ZFHX3: variants seen among roughly 807,000 people sequenced by gnomAD.
The protein encoded by ZFHX3 is zinc finger homeobox protein 3.
In ZFHX3, 42 loss-of-function variants were observed where a neutral mutation model predicts 279.1. The observed-to-expected ratio is 0.15, with a 90% CI of 0.12 to 0.19. The LOEUF (loss-of-function observed/expected upper bound fraction) is 0.19, where lower values mean the gene tolerates loss of function less well. Ranked by LOEUF, ZFHX3 falls within the 10% of genes least tolerant of loss-of-function variation. ZFHX3 has a pLI of 1.00. For missense variants in ZFHX3, 4,981 were observed against 4,754.0 expected, an observed-to-expected ratio of 1.05 and a Z score of -1.40; for synonymous variants, 2,293 against 1,957.8, an observed-to-expected ratio of 1.17 and a Z score of -4.52.
intron 1 of ZFHX3, among the ~76,000 whole-genome samples, chr16:73,760,467 C>T (rs1333256442): frequency 6.7e-6 from 1 of 148,288 alleles, no homozygotes; most frequent in Admixed American, 6.7e-5. Flanking sequence ...ATACCAAAAG[C>T]TGGCAGCATC....
chr16:72,845,547 G>C (rs574283743), intron 4 of ZFHX3, among the ~76,000 whole-genome samples: 1 of 152,090 alleles, frequency 6.6e-6, no homozygotes, highest in African/African-American at 2.4e-5. Context: ...CCCACGCCAC[G>C]TGCTCCCACG....
intron 3 of ZFHX3, among the ~76,000 whole-genome samples, chr16:73,329,793 A>G (rs1235505276): frequency 6.6e-6 from 1 of 152,248 alleles, no homozygotes; most frequent in African/African-American, 2.4e-5. Flanking sequence ...CCTTGTTTAC[A>G]TATCGAACAA....
At chr16:73,306,191 G>T (rs2015176437) in intron 4 of ZFHX3, among the ~76,000 whole-genome samples, 1 of 152,166 alleles carries the variant, frequency 6.6e-6, no homozygotes, top group Non-Finnish European at 1.5e-5. Context: ...AAACCCAAGA[G>T]AACCCAGTCT....
upstream of ZFHX3, among the ~76,000 whole-genome samples, chr16:73,052,828 T>G (rs907557103): frequency 6.6e-6 from 1 of 152,228 alleles, no homozygotes; most frequent in Non-Finnish European, 1.5e-5. Context: ...GAAGGCCATC[T>G]AAAGGCGATG....
At chr16:72,833,847 G>T (rs2037122452) in intron 4 of ZFHX3, among the ~76,000 whole-genome samples, 1 of 152,158 alleles carries the variant, frequency 6.6e-6, no homozygotes, top group Non-Finnish European at 1.5e-5. Context: ...GTGTTTTCAT[G>T]TTAAAGAGTT....
At chr16:73,436,235 C>T (rs1295966021) in intron 3 of ZFHX3, among the ~76,000 whole-genome samples, 1 of 152,114 alleles carries the variant, frequency 6.6e-6, no homozygotes, top group Admixed American at 6.6e-5. Context: ...GCAGGAGAAT[C>T]GCTTGAGCCT....
At chr16:73,687,586 G>A (rs74698152) in intron 1 of ZFHX3, among the ~76,000 whole-genome samples, 1 of 152,062 alleles carries the variant, frequency 6.6e-6, no homozygotes, top group African/African-American at 2.4e-5. Context: ...GCTCACATCT[G>A]TAATCCCAGC....
At chr16:73,419,803 G>A (rs1182918689) in intron 3 of ZFHX3, among the ~76,000 whole-genome samples, 1 of 152,010 alleles carries the variant, frequency 6.6e-6, no homozygotes. Context: ...GTCCATAAGG[G>A]TGTTGATACT....
intron 3 of ZFHX3, among the ~76,000 whole-genome samples, chr16:73,338,665 A>G (rs1178048310): frequency 2.0e-5 from 3 of 152,030 alleles, no homozygotes; most frequent in Non-Finnish European, 2.9e-5. Context: ...CCCTGCCAAT[A>G]TATGTTTCTG....
At chr16:73,649,337 T>C (rs886674254) in intron 2 of ZFHX3, among the ~76,000 whole-genome samples, 8 of 152,210 alleles carry the variant, frequency 5.3e-5, no homozygotes, top group African/African-American at 1.9e-4. Context: ...TCTATTGTTC[T>C]CTACTCAACA....
chr16:73,610,600 C>A (rs986909818), intron 2 of ZFHX3, among the ~76,000 whole-genome samples: 1 of 152,158 alleles, frequency 6.6e-6, no homozygotes, highest in Non-Finnish European at 1.5e-5. Context: ...CTTCTTAGCA[C>A]TGAATTTACA....
chr16:73,215,815 G>T (rs2012184646), intron 5 of ZFHX3, among the ~76,000 whole-genome samples: 1 of 152,188 alleles, frequency 6.6e-6, no homozygotes, highest in Non-Finnish European at 1.5e-5. Flanking sequence ...GTGTTGGTCT[G>T]TTGCTCAATC....
intron 5 of ZFHX3, among the ~76,000 whole-genome samples, chr16:73,220,597 C>T (rs968349613): frequency 2.6e-5 from 4 of 151,980 alleles, no homozygotes; most frequent in Admixed American, 6.6e-5. Flanking sequence ...ATTCTTTGAC[C>T]GTAGAATCCC....
intron 3 of ZFHX3, chr16:73,401,718 T>C (rs899939739): frequency 6.6e-6 from 1 of 152,182 alleles, no homozygotes; most frequent in Admixed American, 6.6e-5. Context: ...AATTCAAAGT[T>C]ATTATTATTT....
rs576883246 is a variant in ZFHX3 at position 73,119,923 on chromosome 16, C to T, written c.-897+11045G>A. 4.3e-4 allele frequency among the ~76,000 whole-genome samples: 65 copies of T among 152,182 alleles called. No homozygotes were observed. The South Asian group carries it at 0.013, about 31-fold the overall frequency. The stretch of plus-strand genomic sequence containing the variant: ...GGATATTTACAACAAACAAAAAAAC[C>T]TTTGTTTTGCTTGAGGCTGAGCTTT... On this transcript the variant is annotated intron_variant, in intron 7 of 17. Coordinates refer to the ZFHX3 transcript ENST00000641206.
rs1314872714 is a variant in ZFHX3 at position 73,308,240 on chromosome 16, TA to T, written c.-1194+9999del. Among the ~76,000 whole-genome samples, 16 of 12,456 alleles carry T rather than the reference TA, an allele frequency of 1.3e-3. 1 individual carries two copies. The highest frequency in any genetic ancestry group is 3.0e-3 in the African/African-American group (13 of 4,400). 8.2% of individuals were successfully genotyped at this position (12,456 alleles called of 152,430 possible). ...ATATGCATGCATATATATATATATA[TA>T]TATATATATATATATATATATATAT... is the stretch of plus-strand genomic sequence containing the variant. On this transcript the variant is annotated intron_variant, in intron 4 of 17. Coordinates refer to the ZFHX3 transcript ENST00000641206.
intron 3 of ZFHX3, among the ~76,000 whole-genome samples, chr16:73,329,818 G>A (rs1044041776): frequency 1.3e-5 from 2 of 152,186 alleles, no homozygotes; most frequent in African/African-American, 4.8e-5. Flanking sequence ...AAACACAAGT[G>A]ACAAGTTATG....
intron 1 of ZFHX3, among the ~76,000 whole-genome samples, chr16:73,800,873 G>A (rs1960126846): frequency 6.6e-6 from 1 of 152,170 alleles, no homozygotes; most frequent in Admixed American, 6.5e-5. Flanking sequence ...GGGACACTCT[G>A]CTTTTTGATG....
intron 1 of ZFHX3, among the ~76,000 whole-genome samples, chr16:73,827,771 G>A (rs1218417840): frequency 8.2e-6 from 1 of 121,814 alleles, no homozygotes; most frequent in Non-Finnish European, 1.7e-5. Flanking sequence ...CTGAGAGATA[G>A]TTTGTTATAA....
Sources: allele counts gnomAD v4.1 joint callset (sites outside exome capture counted in the v4.1 genomes callset), GRCh38; gene constraint gnomAD v4.1.1; transcripts MANE v1.5; gene names NCBI Gene and HGNC (gene_info 2026-07-23, HGNC 2026-07-21).